Variants in SHISA9 observed in about 807,000 individuals in gnomAD.
SHISA9 encodes the protein protein shisa-9.
Under a neutral mutation model 38.0 loss-of-function variants are expected in SHISA9, and 13 were observed. The ratio of observed to expected loss-of-function variants is 0.34; its 90% confidence interval spans 0.22 to 0.54. SHISA9 has a LOEUF of 0.54. Ranked by LOEUF, SHISA9 falls within the 20% of genes least tolerant of loss-of-function variation. The pLI is 0.91. For missense variants in SHISA9, 538 were observed against 575.8 expected, an observed-to-expected ratio of 0.93 and a Z score of 0.67; for synonymous variants, 275 against 242.0, an observed-to-expected ratio of 1.14 and a Z score of -1.27.
At chr16:13,343,921 T>G in the SHISA9 span, among the ~76,000 whole-genome samples, 1 of 152,138 alleles carries the variant, frequency 6.6e-6, no homozygotes, top group African/African-American at 2.4e-5. Context: ...CACGGTGGAT[T>G]AACAAGGAGA....
At chr16:13,335,924 G>A in the SHISA9 span, among the ~76,000 whole-genome samples, 1 of 152,186 alleles carries the variant, frequency 6.6e-6, no homozygotes, top group Non-Finnish European at 1.5e-5. Context: ...GCCTTTGTTG[G>A]ATTAATATCC....
chr16:13,039,140 C>T (rs1277824996), intron 2 of SHISA9, among the ~76,000 whole-genome samples: 1 of 152,170 alleles, frequency 6.6e-6, no homozygotes, highest in East Asian at 1.9e-4. Context: ...AACTCCTGAC[C>T]TCAGGTGATC....
At chr16:13,342,358 G>A in the SHISA9 span, among the ~76,000 whole-genome samples, 1 of 151,956 alleles carries the variant, frequency 6.6e-6, no homozygotes, top group Non-Finnish European at 1.5e-5. Context: ...TGCGATCTTG[G>A]TTCACTGCAA....
the SHISA9 span, among the ~76,000 whole-genome samples, chr16:13,456,675 A>T: frequency 6.6e-6 from 1 of 152,190 alleles, no homozygotes; most frequent in Non-Finnish European, 1.5e-5. Context: ...TGGAGGCTTT[A>T]GGCCATACGT....
chr16:12,981,733 C>T (rs1429645624), intron 2 of SHISA9, among the ~76,000 whole-genome samples: 1 of 152,104 alleles, frequency 6.6e-6, no homozygotes, highest in East Asian at 1.9e-4. Flanking sequence ...TATTCGGAGA[C>T]AGGGTCTTTA....
intron 2 of SHISA9, among the ~76,000 whole-genome samples, chr16:13,190,385 C>T (rs1179636300): frequency 1.3e-5 from 2 of 152,116 alleles, no homozygotes; most frequent in African/African-American, 2.4e-5. Context: ...AGTTATGGGA[C>T]GTTAGGGATG....
chr16:13,183,415 T>C (rs1046959949), intron 2 of SHISA9, among the ~76,000 whole-genome samples: 2 of 152,276 alleles, frequency 1.3e-5, no homozygotes, highest in East Asian at 1.9e-4. Flanking sequence ...ATAGAAGTTA[T>C]AGTAAACAAG....
In SHISA9 at chr16:13,235,963, G is replaced by T. The variant is rs538732607; in HGVS notation, c.*554G>T. ...ATTAGAAGCATTTTTCTAATTCCAA[G>T]AAGTGGTGACGTGGACGTAAAATTT... On this transcript the variant is annotated 3_prime_UTR_variant, in exon 5 of 5. Transcript: ENST00000558583. 6.6e-6 allele frequency: 1 copy of T among 152,588 alleles called. No individual in the cohort carries two copies. Among genetic ancestry groups the T allele is most frequent in the East Asian group, 1.9e-4 (1 of 5,178 alleles). 9.5% of individuals were successfully genotyped at this position (152,588 alleles called of 1,614,324 possible). A position where few individuals can be genotyped will look rare whatever the true frequency, so the allele number is the denominator to read the frequency against.
At chr16:13,393,363 A>G in the SHISA9 span, among the ~76,000 whole-genome samples, 1 of 152,154 alleles carries the variant, frequency 6.6e-6, no homozygotes, top group African/African-American at 2.4e-5. Context: ...TTGTGTGGCC[A>G]TTCCTTTCCC....
chr16:13,343,284 A>G, the SHISA9 span, among the ~76,000 whole-genome samples: 1 of 152,202 alleles, frequency 6.6e-6, no homozygotes, highest in African/African-American at 2.4e-5. Context: ...TCTCTGAGAA[A>G]TTATATCTTA....
At chr16:13,277,195 T>C in the SHISA9 span, among the ~76,000 whole-genome samples, 102 of 152,266 alleles carry the variant, frequency 6.7e-4, 1 homozygote, top group African/African-American at 2.4e-3. Flanking sequence ...TTTATGATTC[T>C]ATTTGCTTTG....
At chr16:13,139,835 T>C (rs972917435) in intron 2 of SHISA9, among the ~76,000 whole-genome samples, 1 of 152,138 alleles carries the variant, frequency 6.6e-6, no homozygotes, top group African/African-American at 2.4e-5. Flanking sequence ...AACTGTCACC[T>C]TGGAACCTCA....
At chr16:13,281,498 T>C in the SHISA9 span, among the ~76,000 whole-genome samples, 2 of 151,814 alleles carry the variant, frequency 1.3e-5, no homozygotes, top group South Asian at 4.1e-4. Flanking sequence ...ACTGAATTGA[T>C]TGTATTTAAG....
chr16:13,428,773 G>GTTTTTT, the SHISA9 span, among the ~76,000 whole-genome samples: 5 of 145,328 alleles, frequency 3.4e-5, 1 homozygote, highest in African/African-American at 7.7e-5. Context: ...TTGTTTTATT[G>GTTTTTT]TTTTTTTTTT....
chr16:13,206,126 T>C (rs572628629), intron 3 of SHISA9, among the ~76,000 whole-genome samples: 31 of 152,272 alleles, frequency 2.0e-4, no homozygotes, highest in African/African-American at 6.0e-4. Flanking sequence ...CCCAGCAGAA[T>C]TGACTGTCAG....
At chr16:13,286,602 C>G in the SHISA9 span, among the ~76,000 whole-genome samples, 17 of 152,066 alleles carry the variant, frequency 1.1e-4, no homozygotes, top group African/African-American at 4.1e-4. Flanking sequence ...AAAAAAGTAA[C>G]AAGAAGAAAC....
intron 2 of SHISA9, among the ~76,000 whole-genome samples, chr16:13,186,545 C>G (rs1196580950): frequency 6.6e-6 from 1 of 152,092 alleles, no homozygotes; most frequent in Non-Finnish European, 1.5e-5. Flanking sequence ...ATACACCCGC[C>G]TCTGCCTCCC....
At chr16:13,335,597 C>T in the SHISA9 span, among the ~76,000 whole-genome samples, 1 of 152,206 alleles carries the variant, frequency 6.6e-6, no homozygotes, top group African/African-American at 2.4e-5. Flanking sequence ...TCATTCAGCT[C>T]CATCCTTAAC....
At chr16:13,332,509 C>A in the SHISA9 span, 1 of 152,168 alleles carries the variant, frequency 6.6e-6, no homozygotes, top group African/African-American at 2.4e-5. Context: ...CTAGAGGAGG[C>A]CCCATCCTAC....
Sources: allele counts gnomAD v4.1 joint callset (sites outside exome capture counted in the v4.1 genomes callset), GRCh38; gene constraint gnomAD v4.1.1; transcripts MANE v1.5; gene names NCBI Gene and HGNC (gene_info 2026-07-23, HGNC 2026-07-21).